Variants in EFCAB8 observed in about 807,000 individuals in gnomAD.
The protein encoded by EFCAB8 is EF-hand calcium-binding domain-containing protein 8.
A neutral mutation model predicts 116.3 loss-of-function variants in EFCAB8; 100 were observed. The ratio of observed to expected loss-of-function variants is 0.86; its 90% CI spans 0.73 to 1.02. The LOEUF is 1.02. EFCAB8 is among the 50% of genes least tolerant of loss of function. The pLI is 0.00. For synonymous variants in EFCAB8, 558 were observed against 567.9 expected (o/e 0.98, Z 0.25); for missense variants, 1,320 against 1,416.9 (o/e 0.93, Z 1.10).
At chr20:32,916,691 T>A (rs1987205596) in intron 17 of EFCAB8, among the ~76,000 whole-genome samples, 1 of 152,198 alleles carries the variant, frequency 6.6e-6, no homozygotes, top group South Asian at 2.1e-4. Context: ...TTTTGGAGAA[T>A]ATGAATATTC....
chr20:32,918,806 C>A (rs774155392), intron 19 of EFCAB8, among the ~76,000 whole-genome samples: 6 of 152,296 alleles, frequency 3.9e-5, no homozygotes, highest in African/African-American at 1.2e-4. Flanking sequence ...ATGGCTAATA[C>A]CAGCCCTAAA....
intron 26 of EFCAB8, 88 bp downstream of exon 26, chr20:32,960,249 A>G: frequency 8.2e-7 from 1 of 1,223,214 alleles, no homozygotes; most frequent in South Asian, 1.4e-5. Context: ...GTGCCCACAC[A>G]GCCCTTCAGT....
intron 11 of EFCAB8, among the ~76,000 whole-genome samples, chr20:32,905,196 G>A (rs759386450): frequency 9.9e-5 from 15 of 152,204 alleles, no homozygotes; most frequent in Non-Finnish European, 1.5e-4. Context: ...ACCCCTGTGC[G>A]GGAGGAGTAA....
intron 15 of EFCAB8, 52 bp downstream of exon 15, chr20:32,909,983 G>A (rs953668482): frequency 9.9e-6 from 10 of 1,005,504 alleles, no homozygotes; most frequent in South Asian, 5.2e-5. Context: ...CAGGTGACAC[G>A]GGGCAGAACC....
At chr20:32,891,218 TCCTGCCTCAGCC>T (rs1169284705) in intron 7 of EFCAB8, among the ~76,000 whole-genome samples, 2 of 152,178 alleles carry the variant, frequency 1.3e-5, no homozygotes, top group African/African-American at 4.8e-5. Context: ...CAAGAGATTC[TCCTGCCTCAGCC>T]TCCTGAGTAG....
intron 22 of EFCAB8, among the ~76,000 whole-genome samples, chr20:32,939,723 C>T (rs1988327805): frequency 7.3e-6 from 1 of 136,840 alleles, no homozygotes; most frequent in Admixed American, 7.5e-5. Context: ...TTGACAGAGT[C>T]TTGCTCTGGT....
At chr20:32,955,239 A>G (rs1324603962) in intron 23 of EFCAB8, among the ~76,000 whole-genome samples, 1 of 152,188 alleles carries the variant, frequency 6.6e-6, no homozygotes, top group African/African-American at 2.4e-5. Flanking sequence ...CTCCAAGTGC[A>G]TTTGTAACAA....
At chr20:32,888,170 C>A (rs1985730694) in intron 6 of EFCAB8, among the ~76,000 whole-genome samples, 2 of 151,360 alleles carry the variant, frequency 1.3e-5, no homozygotes, top group Non-Finnish European at 2.9e-5. Flanking sequence ...GTCAAGGGAT[C>A]TTTCCACCTC....
At chr20:32,940,186 T>G (rs1397406104) in intron 22 of EFCAB8, among the ~76,000 whole-genome samples, 1 of 148,852 alleles carries the variant, frequency 6.7e-6, no homozygotes, top group African/African-American at 2.5e-5. Flanking sequence ...AATATGAAGT[T>G]AAGTAATCAA....
In EFCAB8 at chr20:32,917,350, C is replaced by T; in HGVS notation, c.1906C>T (p.His636Tyr). ...CTTGTGCTACCACTGGCAGACCTAC[C>T]ACACGGAGGACATCCTGAGCATGGC... is the stretch of plus-strand genomic sequence containing the variant. Reference protein sequence around the residue: ...VLLCYHWQTYHTEDILSMAKY... With the variant: ...VLLCYHWQTYYTEDILSMAKY... Residue 636 changes from histidine (H) to tyrosine (Y), a missense_variant, in exon 18 of 27, where the codon CAC (histidine) becomes TAC (tyrosine). His to Tyr is a moderately conservative substitution (Grantham distance 83). Coordinates refer to ENST00000400522, the MANE Select transcript of EFCAB8 (RefSeq NM_001143967.2). The T allele has an allele frequency of 1.3e-6, 2 of 1,551,748 alleles. No individual in the cohort carries two copies. Among genetic ancestry groups the T allele is most frequent in the Non-Finnish European group, 1.7e-6 (2 of 1,147,014 alleles).
intron 1 of EFCAB8, 140 bp from the exon 2 acceptor site, chr20:32,863,643 G>C (rs538510819): frequency 2.9e-5 from 19 of 656,568 alleles, no homozygotes; most frequent in Non-Finnish European, 4.5e-5. Flanking sequence ...CTGCTCGCTG[G>C]GAGTGTCCAT....
rs1453483118 is a variant in EFCAB8 at position 32,931,312 on chromosome 20, C to T, written c.2766C>T (p.His922=). ...IPQQLGTNFP[H]YIPLEDKEVV... The stretch of plus-strand genomic sequence containing the variant: ...AGCAACTTGGGACCAACTTCCCACA[C>T]TACATTCCCTTGGAGGATAAAGAGG... Residue 922 remains histidine (H), a synonymous_variant, in exon 22 of 27, where the codon CAC becomes CAT. Transcript: ENST00000400522. 19 of 1,549,096 alleles carry T rather than the reference C, an allele frequency of 1.2e-5. No homozygotes were observed. Among genetic ancestry groups the T allele is most frequent in the Non-Finnish European group, 1.7e-5 (19 of 1,145,678 alleles).
intron 1 of EFCAB8, 112 bp downstream of exon 1, chr20:32,859,118 G>GCTTT: frequency 2.2e-6 from 1 of 451,438 alleles, no homozygotes; most frequent in Non-Finnish European, 4.6e-6. Flanking sequence ...GTCCTGGCTG[G>GCTTT]CTTTCAATGC....
rs78585980 is a variant in EFCAB8 at position 32,872,240 on chromosome 20, C to T, written c.209-3686C>T. ...GGTTAGTATCTGGTGCTACCACTTA[C>T]CAGCTGTGTGACCTTGGGCAAGCAA... On this transcript the variant is annotated intron_variant, in intron 3 of 26. Transcript: ENST00000400522. 5.7e-3 allele frequency among the ~76,000 whole-genome samples: 873 copies of T among 152,306 alleles called. 17 individuals are homozygous for T. Among genetic ancestry groups the T allele is most frequent in the African/African-American group, 0.02 (816 of 41,534 alleles).
At chr20:32,896,664 C>A (rs532678069) in intron 10 of EFCAB8, 137 bp downstream of exon 10, 17 of 622,576 alleles carry the variant, frequency 2.7e-5, no homozygotes, top group Middle Eastern at 2.5e-4. Flanking sequence ...AAACAGGTTG[C>A]GGCAGCTGTT....
At position 32,920,314 on chromosome 20, in the gene EFCAB8, G is replaced by A. The variant is rs555234947; in HGVS notation, c.2412+99G>A. On this transcript the variant is annotated intron_variant, in intron 20 of 26. Transcript: ENST00000400522. ...GCTCGGGGGCCTGGGCTCGGGGCCC[G>A]GCCTGATTCTCCCCAGTGCCCGGAA... 1.1e-3 allele frequency: 1,573 copies of A among 1,451,286 alleles called. 2 individuals carry two copies. The highest frequency in any genetic ancestry group is 3.7e-3 in the African/African-American group (261 of 70,104). 89.9% of individuals were successfully genotyped at this position (1,451,286 alleles called of 1,614,324 possible). A position where few individuals can be genotyped will look rare whatever the true frequency, so the allele number is the denominator to read the frequency against.
chr20:32,923,500 A>G (rs1448571672), intron 20 of EFCAB8, among the ~76,000 whole-genome samples: 1 of 152,058 alleles, frequency 6.6e-6, no homozygotes, highest in Non-Finnish European at 1.5e-5. Flanking sequence ...CAACACCACC[A>G]CCACCACCTA....
At chr20:32,929,786 T>G (rs2146272739) in intron 20 of EFCAB8, among the ~76,000 whole-genome samples, 1 of 152,300 alleles carries the variant, frequency 6.6e-6, no homozygotes, top group South Asian at 2.1e-4. Context: ...GCTCTCAGCC[T>G]CCTGCTGGGT....
At chr20:32,937,859 C>T (rs569772179) in intron 22 of EFCAB8, among the ~76,000 whole-genome samples, 17 of 149,768 alleles carry the variant, frequency 1.1e-4, no homozygotes, top group South Asian at 4.2e-4. Flanking sequence ...CCTCGTGATC[C>T]GCCCACCATG....
Sources: allele counts gnomAD v4.1 joint callset (sites outside exome capture counted in the v4.1 genomes callset), GRCh38; gene constraint gnomAD v4.1.1; transcripts MANE v1.5; gene names NCBI Gene and HGNC (gene_info 2026-07-23, HGNC 2026-07-21).